ORC3: variants seen among roughly 807,000 people sequenced by gnomAD.
The protein encoded by ORC3 is homolog of latheo, Drosophila.
A neutral mutation model predicts 100.7 loss-of-function variants in ORC3; 78 were observed. That is an observed-to-expected ratio of 0.77 (90% CI 0.65 to 0.94). ORC3 has a LOEUF of 0.94. Ranked by LOEUF, ORC3 falls within the 40% of genes least tolerant of loss-of-function variation. ORC3 has a pLI of 0.00. For synonymous variants in ORC3, 295 were observed against 289.3 expected (o/e 1.02, Z -0.20); for missense variants, 789 against 823.9 (o/e 0.96, Z 0.52).
chr6:87,605,306 T>A (rs1778247709), intron 4 of ORC3, among the ~76,000 whole-genome samples: 1 of 152,184 alleles, frequency 6.6e-6, no homozygotes, highest in Non-Finnish European at 1.5e-5. Context: ...TTTAATTTCC[T>A]TAAAGAGCTT....
At chr6:87,594,161 C>A (rs1231895473) in intron 1 of ORC3, among the ~76,000 whole-genome samples, 192 bp from the exon 2 acceptor site, 1 of 152,056 alleles carries the variant, frequency 6.6e-6, no homozygotes, top group African/African-American at 2.4e-5. Context: ...TAGATAGTCC[C>A]CCTTGTTGTT....
rs192321369 is a variant in ORC3, at chr6:87,637,781, G to A, written c.1382+1295G>A. ...AAGAACCAAGAATGCCAGTTCCAAA[G>A]TAGGGTAAGGAAACATGAGCAGCAG... is the stretch of plus-strand genomic sequence containing the variant. On this transcript the variant is annotated intron_variant, in intron 13 of 19. Coordinates refer to ENST00000392844, the MANE Select transcript of ORC3 (RefSeq NM_012381.4). Among the ~76,000 whole-genome samples, 9 of 152,332 alleles carry A rather than the reference G, an allele frequency of 5.9e-5. 1 individual carries two copies. Among genetic ancestry groups the A allele is most frequent in the African/African-American group, 9.6e-5 (4 of 41,566 alleles).
In ORC3 at chr6:87,663,074, G is replaced by T; in HGVS notation, c.1763G>T (p.Arg588Leu). 6.2e-7 allele frequency: 1 copy of T among 1,612,122 alleles called. No homozygotes were observed. The highest frequency in any genetic ancestry group is 1.1e-5 in the South Asian group (1 of 91,020). ...TACTTCAGTGCTGCCCATGCCCTTC[G>T]TGAGCATTTAAATGCTGCTCCGCGA... ...VVYFSAAHALREHLNAAPRIA... is the reference protein window; with the variant it reads ...VVYFSAAHALLEHLNAAPRIA... Residue 588 changes from arginine to leucine, a missense_variant, in exon 17 of 20, where the codon CGT becomes CTT. Coordinates refer to ENST00000392844, the MANE Select transcript of ORC3 (RefSeq NM_012381.4).
At position 87,667,182 on chromosome 6, in the gene ORC3, T is replaced by C. The variant is rs1770709761; in HGVS notation, c.*59T>C. Reference sequence around the variant, plus strand: ...TAGCTTAAGAGAAAAAGGTGACCAGTCATATTTACATATATTAGAGGAGCC... The same window carrying C: ...TAGCTTAAGAGAAAAAGGTGACCAGCCATATTTACATATATTAGAGGAGCC... On this transcript the variant is annotated 3_prime_UTR_variant, in exon 20 of 20. Transcript: ENST00000392844. 9.8e-7 allele frequency: 1 copy of C among 1,023,170 alleles called. No individual in the cohort carries two copies. The allele number at this position is 1,023,170 out of a possible 1,614,324, so 63.4% of individuals were successfully genotyped here.
At chr6:87,594,292 A>C in intron 1 of ORC3, 61 bp from the exon 2 acceptor site, 2 of 1,212,870 alleles carry the variant, frequency 1.6e-6, no homozygotes, top group East Asian at 2.4e-5. Context: ...ATATTTGGTT[A>C]ATCAGATTTC....
chr6:87,597,110 G>A (rs978998132), intron 2 of ORC3, among the ~76,000 whole-genome samples: 1 of 152,052 alleles, frequency 6.6e-6, no homozygotes, highest in African/African-American at 2.4e-5. Context: ...TTCAGATTTT[G>A]AAATATATAC....
At chr6:87,614,791 C>T (rs1051496305) in intron 8 of ORC3, among the ~76,000 whole-genome samples, 2 of 152,220 alleles carry the variant, frequency 1.3e-5, no homozygotes, top group Non-Finnish European at 2.9e-5. Context: ...GAGACCCCCT[C>T]AGCCTGTTTC....
chr6:87,640,907 A>G (rs961992579), intron 13 of ORC3, among the ~76,000 whole-genome samples: 1 of 152,198 alleles, frequency 6.6e-6, no homozygotes, highest in African/African-American at 2.4e-5. Flanking sequence ...GAGGAGTTCG[A>G]GACCAGCCTG....
chr6:87,658,269 A>C (rs547695647), intron 16 of ORC3, among the ~76,000 whole-genome samples: 1 of 152,236 alleles, frequency 6.6e-6, no homozygotes, highest in East Asian at 1.9e-4. Flanking sequence ...CATCCTGGCT[A>C]ACAAGGTGAA....
rs765334013 is a variant in ORC3 at position 87,621,954 on chromosome 6, G to A, written c.1126G>A (p.Val376Met). ...IRRLPSFRRY[V>M]EKQASEKQVA... is the part of the protein sequence containing the mutation. ...ATGGAATGGTGAAAATTCTAGGTAC[G>A]TGGAAAAGCAAGCTTCAGAAAAGCA... Residue 376 changes from valine to methionine, a missense_variant, in exon 11 of 20, where the codon GTG becomes ATG. By Grantham distance (21) the Val-to-Met change is conservative. Transcript: ENST00000392844. 2.7e-5 allele frequency: 44 copies of A among 1,602,240 alleles called. No individual in the cohort carries two copies. The East Asian group carries it at 6.3e-4, about 23-fold the overall frequency.
intron 13 of ORC3, among the ~76,000 whole-genome samples, chr6:87,637,228 G>C (rs768329670): frequency 4.6e-5 from 7 of 152,100 alleles, no homozygotes; most frequent in Non-Finnish European, 7.4e-5. Flanking sequence ...TATTTATTAA[G>C]TCTTGCTTTC....
In ORC3 at chr6:87,657,196, C is replaced by T. The variant is rs558887986; in HGVS notation, c.1593+214C>T. ...ACACATTCTGGAACCTACTAGCTAACATAGGTGGAAACCATTCCTGTGGGC... is the reference window on the plus strand; with the variant it reads ...ACACATTCTGGAACCTACTAGCTAATATAGGTGGAAACCATTCCTGTGGGC... On this transcript the variant is annotated intron_variant, in intron 15 of 19. Transcript: ENST00000392844. 3 of 404,296 alleles carry T rather than the reference C, an allele frequency of 7.4e-6. No individual in the cohort carries two copies. The South Asian group carries it at 1.0e-4, about 14-fold the overall frequency. 25.0% of individuals were successfully genotyped at this position (404,296 alleles called of 1,614,324 possible). A position where few individuals can be genotyped will look rare whatever the true frequency, so the allele number is the denominator to read the frequency against.
At chr6:87,606,779 C>A (rs534569814) in intron 5 of ORC3, among the ~76,000 whole-genome samples, 2 of 152,250 alleles carry the variant, frequency 1.3e-5, no homozygotes, top group African/African-American at 4.8e-5. Context: ...GTCTTGAACT[C>A]CTGGGCTCAA....
chr6:87,602,560 A>C (rs1437322568), intron 3 of ORC3, among the ~76,000 whole-genome samples: 1 of 151,364 alleles, frequency 6.6e-6, no homozygotes, highest in African/African-American at 2.4e-5. Context: ...ACTGCCGCCT[A>C]CCAGTCCTTA....
At chr6:87,607,180 C>T (rs1778404120) in intron 5 of ORC3, among the ~76,000 whole-genome samples, 1 of 152,038 alleles carries the variant, frequency 6.6e-6, no homozygotes, top group African/African-American at 2.4e-5. Context: ...CTTGTAATCC[C>T]AGCACTTTGG....
At chr6:87,616,016 G>GAAA (rs11454207) in intron 8 of ORC3, among the ~76,000 whole-genome samples, 1 of 145,312 alleles carries the variant, frequency 6.9e-6, no homozygotes. Context: ...TTCTGGTGAG[G>GAAA]AAAAAAAAAA....
intron 13 of ORC3, among the ~76,000 whole-genome samples, chr6:87,637,955 A>T (rs1446843073): frequency 6.6e-6 from 1 of 152,216 alleles, no homozygotes; most frequent in East Asian, 1.9e-4. Flanking sequence ...CCCCTGAGGA[A>T]TCTGAAACAC....
chr6:87,655,421 G>A (rs1769602477), intron 14 of ORC3, among the ~76,000 whole-genome samples: 1 of 149,162 alleles, frequency 6.7e-6, no homozygotes, highest in African/African-American at 2.5e-5. Flanking sequence ...TAGCATGATA[G>A]GCTCACTGCA....
intron 8 of ORC3, 40 bp from the exon 9 acceptor site, chr6:87,616,274 T>C: frequency 1.3e-6 from 1 of 751,952 alleles, no homozygotes; most frequent in Non-Finnish European, 2.4e-6. Flanking sequence ...GAGTGAAGAC[T>C]AACAAGGAGT....
Sources: allele counts gnomAD v4.1 joint callset (sites outside exome capture counted in the v4.1 genomes callset), GRCh38; gene constraint gnomAD v4.1.1; transcripts MANE v1.5; gene names NCBI Gene and HGNC (gene_info 2026-07-23, HGNC 2026-07-21).